Variants in TBC1D19 observed in about 807,000 individuals in gnomAD.
TBC1D19 encodes the protein TBC1 domain family, member 19.
In TBC1D19, 60 loss-of-function variants were observed where a neutral mutation model predicts 89.0. The ratio of observed to expected loss-of-function variants is 0.67; its 90% CI spans 0.55 to 0.84. TBC1D19 has a LOEUF of 0.84. TBC1D19 is among the 40% of genes least tolerant of loss of function. The probability of loss-of-function intolerance (pLI) is 0.00; values close to 1 mark genes in which losing one functional copy is unlikely to be tolerated. For missense variants in TBC1D19, 500 were observed against 610.8 expected (o/e 0.82, Z 1.91); for synonymous variants, 189 against 199.7 (o/e 0.95, Z 0.45).
At chr4:26,596,124 T>G (rs1272018337) in intron 1 of TBC1D19, among the ~76,000 whole-genome samples, 1 of 151,960 alleles carries the variant, frequency 6.6e-6, no homozygotes, top group African/African-American at 2.4e-5. Context: ...GCCTGGCTAA[T>G]TTTTGTATTT....
the TBC1D19 span, among the ~76,000 whole-genome samples, chr4:26,777,945 T>C: frequency 6.6e-6 from 1 of 152,018 alleles, no homozygotes; most frequent in African/African-American, 2.4e-5. Context: ...TGGCGGTACA[T>C]GCCAGTGGTC....
chr4:26,789,871 A>G, the TBC1D19 span, among the ~76,000 whole-genome samples: 2 of 152,220 alleles, frequency 1.3e-5, no homozygotes, highest in African/African-American at 4.8e-5. Flanking sequence ...AAATAATGAA[A>G]CCATGTCTTT....
At position 26,720,076 on chromosome 4, in the gene TBC1D19, T is replaced by A; in HGVS notation, c.1040-5T>A. 6.3e-7 allele frequency: 1 copy of A among 1,597,994 alleles called. No homozygotes were observed. Among genetic ancestry groups the A allele is most frequent in the Non-Finnish European group, 8.5e-7 (1 of 1,172,282 alleles). On this transcript the variant is annotated splice_region_variant and splice_polypyrimidine_tract_variant and intron_variant, in intron 14 of 20. Transcript: ENST00000264866. Reference sequence around the variant, plus strand: ...ATTGAAATCCTCTATGGTTTTCTCTTATAGGAAAACTAGGACTGGAAGAAT... The same window carrying A: ...ATTGAAATCCTCTATGGTTTTCTCTAATAGGAAAACTAGGACTGGAAGAAT...
the TBC1D19 span, among the ~76,000 whole-genome samples, chr4:26,779,975 G>A: frequency 6.6e-6 from 1 of 152,180 alleles, no homozygotes; most frequent in African/African-American, 2.4e-5. Flanking sequence ...AATCTTGCTG[G>A]TGTAGCTAGG....
chr4:26,595,073 G>T (rs1427333271), intron 1 of TBC1D19, among the ~76,000 whole-genome samples: 5 of 152,200 alleles, frequency 3.3e-5, no homozygotes, highest in Admixed American at 6.5e-5. Context: ...AAATGAGAGT[G>T]CTGGTTGCTC....
At chr4:26,649,181 T>C (rs2109037417) in intron 7 of TBC1D19, among the ~76,000 whole-genome samples, 1 of 152,196 alleles carries the variant, frequency 6.6e-6, no homozygotes, top group East Asian at 1.9e-4. Flanking sequence ...TTTATATTTA[T>C]AGTGTCAATA....
At chr4:26,766,119 A>G in the TBC1D19 span, among the ~76,000 whole-genome samples, 2 of 152,120 alleles carry the variant, frequency 1.3e-5, no homozygotes, top group African/African-American at 4.8e-5. Context: ...CTCCCCTAGC[A>G]TAGGAGAAAA....
At chr4:26,830,199 A>G in the TBC1D19 span, among the ~76,000 whole-genome samples, 1 of 151,998 alleles carries the variant, frequency 6.6e-6, no homozygotes, top group African/African-American at 2.4e-5. Flanking sequence ...CTTGCAAATT[A>G]CCCCCCCTTT....
At chr4:26,585,862 G>C (rs1013634335) in intron 1 of TBC1D19, among the ~76,000 whole-genome samples, 1 of 151,668 alleles carries the variant, frequency 6.6e-6, no homozygotes, top group African/African-American at 2.4e-5. Context: ...TGGGATTACA[G>C]ACGTGAGCCA....
the TBC1D19 span, among the ~76,000 whole-genome samples, chr4:26,762,797 G>T: frequency 6.6e-6 from 1 of 152,112 alleles, no homozygotes; most frequent in East Asian, 1.9e-4. Flanking sequence ...GGATTTGAAG[G>T]TGTCACACAG....
intron 3 of TBC1D19, among the ~76,000 whole-genome samples, chr4:26,620,172 G>C (rs997667414): frequency 6.6e-6 from 1 of 151,948 alleles, no homozygotes; most frequent in Non-Finnish European, 1.5e-5. Flanking sequence ...CCATCCCTTT[G>C]CCTGGAATAT....
At chr4:26,800,062 T>C in the TBC1D19 span, among the ~76,000 whole-genome samples, 1 of 152,182 alleles carries the variant, frequency 6.6e-6, no homozygotes, top group African/African-American at 2.4e-5. Flanking sequence ...ATGTGCAGGT[T>C]TGTTACATAT....
chr4:26,695,052 T>C (rs1316357837), intron 13 of TBC1D19, among the ~76,000 whole-genome samples: 1 of 152,172 alleles, frequency 6.6e-6, no homozygotes, highest in South Asian at 2.1e-4. Context: ...AGAATGACTT[T>C]GACGAGTTGA....
intron 7 of TBC1D19, among the ~76,000 whole-genome samples, chr4:26,653,606 T>G (rs986416586): frequency 6.6e-6 from 1 of 152,226 alleles, no homozygotes; most frequent in African/African-American, 2.4e-5. Flanking sequence ...CTTGTTGAAT[T>G]GATCCCTTTA....
At chr4:26,593,855 G>T (rs1022264186) in intron 1 of TBC1D19, among the ~76,000 whole-genome samples, 13 of 152,194 alleles carry the variant, frequency 8.5e-5, no homozygotes, top group South Asian at 8.3e-4. Context: ...TGCTGGAGAG[G>T]TTGTGGAGAA....
intron 13 of TBC1D19, among the ~76,000 whole-genome samples, chr4:26,716,632 A>C (rs1716630905): frequency 6.6e-6 from 1 of 152,136 alleles, no homozygotes; most frequent in Non-Finnish European, 1.5e-5. Context: ...ATGTGTAAGA[A>C]ATATTTATCT....
At chr4:26,695,543 A>G (rs1714698556) in intron 13 of TBC1D19, among the ~76,000 whole-genome samples, 1 of 152,182 alleles carries the variant, frequency 6.6e-6, no homozygotes, top group Non-Finnish European at 1.5e-5. Flanking sequence ...GAGCAACCCC[A>G]AGACACATAA....
chr4:26,836,551 G>C, the TBC1D19 span, among the ~76,000 whole-genome samples: 2 of 152,312 alleles, frequency 1.3e-5, no homozygotes, highest in East Asian at 3.9e-4. Context: ...GTAGAGGTAC[G>C]AACAGGTGTC....
At chr4:26,805,160 C>A in the TBC1D19 span, among the ~76,000 whole-genome samples, 1 of 152,114 alleles carries the variant, frequency 6.6e-6, no homozygotes, top group African/African-American at 2.4e-5. Flanking sequence ...GGATCTAGCT[C>A]GCAGAATTCT....
Sources: allele counts gnomAD v4.1 joint callset (sites outside exome capture counted in the v4.1 genomes callset), GRCh38; gene constraint gnomAD v4.1.1; transcripts MANE v1.5; gene names NCBI Gene and HGNC (gene_info 2026-07-23, HGNC 2026-07-21).